DPP6: variants seen among roughly 807,000 people sequenced by gnomAD.
DPP6 encodes the protein dipeptidyl peptidase like 6, also known as A-type potassium channel modulatory protein DPP6.
In DPP6, 69 loss-of-function variants were observed where a neutral mutation model predicts 122.6. That is an observed-to-expected ratio of 0.56 (90% CI 0.46 to 0.69). The LOEUF is 0.69. Ranked by LOEUF, DPP6 falls within the 30% of genes least tolerant of loss-of-function variation. The pLI, the probability that DPP6 is intolerant of heterozygous loss-of-function variation, is 0.00. For missense variants in DPP6, 928 were observed against 1,116.9 expected (o/e 0.83, Z 2.41); for synonymous variants, 418 against 433.1 (o/e 0.97, Z 0.43).
chr7:153,825,981 T>C, the DPP6 span, among the ~76,000 whole-genome samples: 1 of 152,190 alleles, frequency 6.6e-6, no homozygotes, highest in Non-Finnish European at 1.5e-5. Flanking sequence ...CTTGATAATA[T>C]GTGTAAATTG....
chr7:154,060,469 T>TC (rs1801622587), intron 1 of DPP6, among the ~76,000 whole-genome samples: 2 of 134,758 alleles, frequency 1.5e-5, no homozygotes, highest in African/African-American at 6.0e-5. Context: ...CCCCTCTGGC[T>TC]TAGGACCTCC....
At chr7:154,054,715 G>A (rs1488870540) in intron 1 of DPP6, among the ~76,000 whole-genome samples, 1 of 150,712 alleles carries the variant, frequency 6.6e-6, no homozygotes, top group Non-Finnish European at 1.5e-5. Context: ...TTAAACTACC[G>A]AGAATCTTGG....
At position 154,564,576 on chromosome 7, in the gene DPP6, G is replaced by A. The variant is rs147712270; in HGVS notation, c.553-2266G>A. 5.1e-4 allele frequency among the ~76,000 whole-genome samples: 77 copies of A among 152,256 alleles called. 1 individual carries two copies. Among genetic ancestry groups the A allele is most frequent in the Non-Finnish European group, 5.3e-4 (36 of 68,018 alleles). ...AATTTGTAAACTGTTCACTTCACCC[G>A]TGGATATCTATTCTATACAAAAATG... On this transcript the variant is annotated intron_variant, in intron 4 of 25. Coordinates refer to ENST00000377770, the MANE Select transcript of DPP6 (RefSeq NM_130797.4).
At chr7:154,180,404 AATAT>A (rs1184069625) in intron 1 of DPP6, among the ~76,000 whole-genome samples, 3 of 146,018 alleles carry the variant, frequency 2.1e-5, no homozygotes, top group African/African-American at 5.0e-5. Flanking sequence ...TATATGTATA[AATAT>A]ATATATCTAT....
chr7:154,574,835 G>A (rs1211442748), intron 5 of DPP6, among the ~76,000 whole-genome samples: 19 of 138,226 alleles, frequency 1.4e-4, no homozygotes, highest in Non-Finnish European at 2.6e-4. Flanking sequence ...GGTGTGTGGG[G>A]TGTACGTGTG....
At chr7:154,865,854 A>G (rs1803827082) in intron 17 of DPP6, among the ~76,000 whole-genome samples, 1 of 152,196 alleles carries the variant, frequency 6.6e-6, no homozygotes, top group Admixed American at 6.5e-5. Flanking sequence ...GTTACCATCT[A>G]AAGATGCTTA....
At chr7:154,047,928 GC>G (rs1360117085), upstream of DPP6, among the ~76,000 whole-genome samples, 1 of 144,466 alleles carries the variant, frequency 6.9e-6, no homozygotes, top group Non-Finnish European at 1.5e-5. Flanking sequence ...GTTGTGAGCA[GC>G]CCTCCGAGGG....
intron 1 of DPP6, among the ~76,000 whole-genome samples, chr7:154,144,855 G>C (rs1796014084): frequency 6.6e-6 from 1 of 150,952 alleles, no homozygotes; most frequent in Non-Finnish European, 1.5e-5. Context: ...CTGCAAACCG[G>C]GAAGAGAGCC....
chr7:154,732,037 T>C (rs1021099636), intron 8 of DPP6, among the ~76,000 whole-genome samples: 3 of 151,806 alleles, frequency 2.0e-5, no homozygotes, highest in Non-Finnish European at 4.4e-5. Context: ...TTTGTTTTTC[T>C]TTTGTTTGTT....
At chr7:154,060,710 A>C in intron 1 of DPP6, among the ~76,000 whole-genome samples, 1 of 127,058 alleles carries the variant, frequency 7.9e-6, no homozygotes, top group Admixed American at 8.0e-5. Flanking sequence ...TAGTACCCCC[A>C]TCGCAGGGGG....
At chr7:153,853,075 G>A in the DPP6 span, among the ~76,000 whole-genome samples, 1 of 152,142 alleles carries the variant, frequency 6.6e-6, no homozygotes, top group African/African-American at 2.4e-5. Context: ...AAGAGATACA[G>A]CTCTGTTGTT....
intron 7 of DPP6, among the ~76,000 whole-genome samples, chr7:154,718,767 G>C (rs1049093392): frequency 3.3e-5 from 5 of 151,686 alleles, no homozygotes; most frequent in African/African-American, 1.2e-4. Flanking sequence ...AGTGTCCCAA[G>C]TAGCTGGGAT....
intron 1 of DPP6, among the ~76,000 whole-genome samples, chr7:154,399,423 A>G (rs1298480312): frequency 6.6e-6 from 1 of 152,208 alleles, no homozygotes; most frequent in Non-Finnish European, 1.5e-5. Context: ...AGACTCCATT[A>G]TTATTTCTAT....
At chr7:154,352,631 C>T (rs1259938086) in intron 1 of DPP6, among the ~76,000 whole-genome samples, 1 of 150,458 alleles carries the variant, frequency 6.6e-6, no homozygotes, top group Non-Finnish European at 1.5e-5. Context: ...ACAGTGAGAA[C>T]ACATGGACAC....
intron 1 of DPP6, among the ~76,000 whole-genome samples, chr7:154,176,348 C>T (rs1343531958): frequency 1.3e-5 from 2 of 152,150 alleles, no homozygotes; most frequent in African/African-American, 4.8e-5. Context: ...GCAGTACATA[C>T]AAACATTTGA....
intron 1 of DPP6, among the ~76,000 whole-genome samples, chr7:154,249,310 A>G (rs114673333): frequency 6.6e-6 from 1 of 152,224 alleles, no homozygotes; most frequent in African/African-American, 2.4e-5. Flanking sequence ...TAGAAATCAC[A>G]TCTAACTTTC....
At chr7:154,750,268 G>T (rs557339518) in intron 8 of DPP6, among the ~76,000 whole-genome samples, 1 of 152,202 alleles carries the variant, frequency 6.6e-6, no homozygotes, top group African/African-American at 2.4e-5. Flanking sequence ...CAGAAGACAA[G>T]AAGCGGGAGT....
intron 1 of DPP6, among the ~76,000 whole-genome samples, chr7:153,939,716 C>T (rs919663819): frequency 1.3e-5 from 2 of 152,190 alleles, no homozygotes; most frequent in South Asian, 2.1e-4. Context: ...ACTCCATGCT[C>T]TCATATGAAA....
intron 6 of DPP6, among the ~76,000 whole-genome samples, chr7:154,658,320 C>T (rs2131029723): frequency 6.6e-6 from 1 of 152,236 alleles, no homozygotes; most frequent in African/African-American, 2.4e-5. Flanking sequence ...TTCAGTTTTT[C>T]TCTAAACATG....
Sources: gnomAD v4.1 joint callset for allele counts (sites outside exome capture counted in the v4.1 genomes callset) on GRCh38, gnomAD v4.1.1 for gene constraint, MANE v1.5 for transcripts, NCBI Gene and HGNC (gene_info 2026-07-23, HGNC 2026-07-21) for gene names.